The following FAM149B1 variants were observed in gnomAD, a reference collection of about 807,000 sequenced individuals.
The protein encoded by FAM149B1 is family with sequence similarity 149 member B1.
Under a neutral mutation model 75.3 loss-of-function variants are expected in FAM149B1, and 56 were observed. The ratio of observed to expected loss-of-function variants is 0.74; its 90% CI spans 0.60 to 0.93. The LOEUF (loss-of-function observed/expected upper bound fraction) is 0.93, where lower values mean the gene tolerates loss of function less well. FAM149B1 is among the 40% of genes least tolerant of loss of function. The probability of loss-of-function intolerance (pLI) is 0.00; values close to 1 mark genes in which losing one functional copy is unlikely to be tolerated. For missense variants in FAM149B1, 639 were observed against 708.4 expected, an observed-to-expected ratio of 0.90 and a Z score of 1.11; for synonymous variants, 259 against 256.1, an observed-to-expected ratio of 1.01 and a Z score of -0.11.
chr10:73,229,334 T>C (rs1280781167), intron 8 of FAM149B1, among the ~76,000 whole-genome samples: 3 of 151,846 alleles, frequency 2.0e-5, no homozygotes, highest in South Asian at 2.1e-4. Flanking sequence ...AAAAAGAAAA[T>C]TAGGCCAAGG....
chr10:73,193,098 A>G (rs2042719852), intron 4 of FAM149B1, among the ~76,000 whole-genome samples: 1 of 152,234 alleles, frequency 6.6e-6, no homozygotes, highest in Non-Finnish European at 1.5e-5. Flanking sequence ...CTTATTGCAC[A>G]TACTCAAAAT....
At chr10:73,239,183 C>T (rs969343351) in intron 12 of FAM149B1, 129 bp from the exon 13 acceptor site, 23 of 701,614 alleles carry the variant, frequency 3.3e-5, no homozygotes, top group Non-Finnish European at 5.3e-5. Context: ...ACTCAGCTGA[C>T]TTTTCCCTCA....
intron 3 of FAM149B1, among the ~76,000 whole-genome samples, chr10:73,182,760 A>G (rs995879430): frequency 1.3e-5 from 2 of 152,234 alleles, no homozygotes; most frequent in African/African-American, 4.8e-5. Flanking sequence ...CTAAGGCCTC[A>G]GATATTGTGG....
intron 3 of FAM149B1, among the ~76,000 whole-genome samples, chr10:73,182,699 G>A (rs1199690172): frequency 3.3e-5 from 5 of 152,202 alleles, no homozygotes; most frequent in African/African-American, 9.6e-5. Flanking sequence ...CCAGACATGT[G>A]AGTAAATGAG....
At chr10:73,188,813 A>G (rs1411843912) in intron 3 of FAM149B1, among the ~76,000 whole-genome samples, 11 of 142,148 alleles carry the variant, frequency 7.7e-5, no homozygotes, top group Admixed American at 7.6e-4. Flanking sequence ...AAGGAAGGAA[A>G]GGACAGATCA....
At chr10:73,197,446 G>GT (rs111817839) in intron 5 of FAM149B1, among the ~76,000 whole-genome samples, 23,435 of 152,158 alleles carry the variant, frequency 0.15, 2,957 homozygotes, top group African/African-American at 0.32. Context: ...CCTCAGCACT[G>GT]AAGACGGTGA....
chr10:73,201,999 T>C (rs2042950439), intron 5 of FAM149B1, among the ~76,000 whole-genome samples: 1 of 152,022 alleles, frequency 6.6e-6, no homozygotes, highest in Non-Finnish European at 1.5e-5. Context: ...ACCCCGTCTC[T>C]ACTAAAAATA....
chr10:73,237,454 T>C (rs900216103), intron 12 of FAM149B1, among the ~76,000 whole-genome samples: 4 of 152,096 alleles, frequency 2.6e-5, no homozygotes, highest in Admixed American at 2.0e-4. Context: ...TCTTACTCTG[T>C]CGCCCAGGCT....
At chr10:73,236,559 G>C (rs973844827) in intron 12 of FAM149B1, among the ~76,000 whole-genome samples, 1 of 150,806 alleles carries the variant, frequency 6.6e-6, no homozygotes, top group East Asian at 2.0e-4. Context: ...GACTACAGGT[G>C]CCTGCCACCA....
Position 73,242,937 on chromosome 10 carries a change from AG to A in FAM149B1, c.*1920del, listed in dbSNP as rs1224819127. On this transcript the variant is annotated 3_prime_UTR_variant, in exon 14 of 14. Transcript: ENST00000242505. The stretch of plus-strand genomic sequence containing the variant: ...AAACCTGGCTGAGTAAAATGAAGAG[AG>A]GATCTATTCAAGATCATTAAGACCA... The A allele has an allele frequency of 6.4e-6, 1 of 157,018 alleles. No homozygotes were observed. 9.7% of individuals were successfully genotyped at this position (157,018 alleles called of 1,614,324 possible). A position where few individuals can be genotyped will look rare whatever the true frequency, so the allele number is the denominator to read the frequency against.
chr10:73,210,122 T>C, intron 6 of FAM149B1, 129 bp from the exon 7 acceptor site: 1 of 646,122 alleles, frequency 1.5e-6, no homozygotes, highest in East Asian at 2.8e-5. Flanking sequence ...TATTTGGCCT[T>C]TGTCAAATTA....
chr10:73,236,242 A>T (rs929551061), intron 12 of FAM149B1, among the ~76,000 whole-genome samples: 4 of 152,088 alleles, frequency 2.6e-5, no homozygotes, highest in African/African-American at 9.7e-5. Context: ...AACAGCAGAA[A>T]TTTTTTCCTC....
chr10:73,228,039 A>G (rs2043595828), intron 7 of FAM149B1, 21 bp from the exon 8 acceptor site: 3 of 1,550,262 alleles, frequency 1.9e-6, no homozygotes, highest in Middle Eastern at 1.7e-4. Flanking sequence ...CATGGATAAT[A>G]TATCCTGTTC....
Position 73,230,461 on chromosome 10 carries a change from AATG to A in FAM149B1, c.1066_1068del (p.Asp356del), listed in dbSNP as rs1472526810. 7 of 1,550,220 alleles carry A rather than the reference AATG, an allele frequency of 4.5e-6. 1 individual carries two copies. The highest frequency in any genetic ancestry group is 2.4e-5 in the South Asian group (2 of 84,042). ...AGCAAGCAGACATCAGCCAAATGTG[AATG>A]ATCTCTTGGTTCATGGAATGCCTCT... is the stretch of plus-strand genomic sequence containing the variant. On this transcript the variant is annotated inframe_deletion, in exon 9 of 14. Coordinates refer to ENST00000242505, the MANE Select transcript of FAM149B1 (RefSeq NM_173348.2).
At chr10:73,171,390 T>C (rs1397130580) in intron 1 of FAM149B1, among the ~76,000 whole-genome samples, 1 of 152,202 alleles carries the variant, frequency 6.6e-6, no homozygotes, top group East Asian at 1.9e-4. Context: ...TTAGATGTTA[T>C]AATAATGATA....
intron 3 of FAM149B1, among the ~76,000 whole-genome samples, chr10:73,182,160 A>C: frequency 6.8e-6 from 1 of 147,302 alleles, no homozygotes; most frequent in Non-Finnish European, 1.5e-5. Context: ...TGTTTCTTGT[A>C]GGCAACAGAT....
chr10:73,225,927 A>T (rs927056774), intron 7 of FAM149B1, among the ~76,000 whole-genome samples: 6 of 152,170 alleles, frequency 3.9e-5, no homozygotes, highest in Non-Finnish European at 5.9e-5. Flanking sequence ...CCTAGGAGCA[A>T]CAGGCTGTAC....
chr10:73,200,673 T>C, intron 5 of FAM149B1: 1 of 522,608 alleles, frequency 1.9e-6, no homozygotes, highest in South Asian at 1.8e-5. Context: ...ACTGATGTGT[T>C]GGAAGTGACC....
At position 73,235,324 on chromosome 10, in the gene FAM149B1, G is replaced by C. The variant is rs1564717186; in HGVS notation, c.1602+6G>C. 6.4e-7 allele frequency: 1 copy of C among 1,551,888 alleles called. No individual in the cohort carries two copies. Among genetic ancestry groups the C allele is most frequent in the Admixed American group, 2.0e-5 (1 of 51,010 alleles). On this transcript the variant is annotated splice_donor_region_variant and intron_variant, in intron 12 of 13. Coordinates refer to ENST00000242505, the MANE Select transcript of FAM149B1 (RefSeq NM_173348.2). ...ACACAACTCAATCATTTTTGGTAGA[G>C]TGACGTACTTCCTAGAATGGTCTTG...
Sources: allele counts gnomAD v4.1 joint callset (sites outside exome capture counted in the v4.1 genomes callset), GRCh38; gene constraint gnomAD v4.1.1; transcripts MANE v1.5; gene names NCBI Gene and HGNC (gene_info 2026-07-23, HGNC 2026-07-21).